Variants in ABCC1 observed in about 807,000 individuals in gnomAD.
ABCC1 encodes the protein multidrug resistance-associated protein 1.
A neutral mutation model predicts 172.9 loss-of-function variants in ABCC1; 83 were observed. That is an observed-to-expected ratio of 0.48 (90% CI 0.40 to 0.58). The LOEUF (loss-of-function observed/expected upper bound fraction) is 0.58. ABCC1 is among the 20% of genes least tolerant of loss of function. The pLI, the probability that ABCC1 is intolerant of heterozygous loss-of-function variation, is 0.00. For missense variants in ABCC1, 1,817 were observed against 2,002.7 expected (o/e 0.91, Z 1.77); for synonymous variants, 937 against 825.2 (o/e 1.14, Z -2.32).
intron 17 of ABCC1, among the ~76,000 whole-genome samples, chr16:16,085,146 T>C (rs1057057184): frequency 1.3e-5 from 2 of 152,130 alleles, no homozygotes; most frequent in Non-Finnish European, 2.9e-5. Context: ...TTGTCATCTC[T>C]AAAAGGGCCA....
In ABCC1 at chr16:16,087,976, G is replaced by A. The variant is rs76039089; in HGVS notation, c.2460+985G>A. Among the ~76,000 whole-genome samples the A allele has an allele frequency of 2.9e-3, 436 of 152,022 alleles. 3 individuals are homozygous for A. Among genetic ancestry groups the A allele is most frequent in the East Asian group, 0.018 (94 of 5,178 alleles). ...TCGTGCTACATGACCTCTTGTAATC[G>A]TTCCCATACATACCACTAACATTCT... On this transcript the variant is annotated intron_variant, in intron 18 of 30. Coordinates refer to ENST00000399410, the MANE Select transcript of ABCC1 (RefSeq NM_004996.4).
intron 1 of ABCC1, among the ~76,000 whole-genome samples, chr16:16,001,312 C>T (rs944991385): frequency 2.0e-5 from 3 of 152,074 alleles, no homozygotes; most frequent in Non-Finnish European, 4.4e-5. Context: ...CCCGGGTGCA[C>T]GCCATTCTCC....
rs970641000 is a variant in ABCC1, at chr16:16,106,915, T to C, written c.2871+42T>C. 19 of 1,612,184 alleles carry C rather than the reference T, an allele frequency of 1.2e-5. No individual in the cohort carries two copies. The African/African-American group carries it at 1.5e-4, about 12-fold the overall frequency. On this transcript the variant is annotated intron_variant, in intron 21 of 30. Coordinates refer to ENST00000399410, the MANE Select transcript of ABCC1 (RefSeq NM_004996.4). ...AAGTGATGACAGTGGCTGGAGTTTA[T>C]AGAGCGCCCACTGTGCACTGGGCAC...
intron 5 of ABCC1, among the ~76,000 whole-genome samples, chr16:16,023,955 A>G (rs138326419): frequency 2.7e-4 from 41 of 152,296 alleles, no homozygotes; most frequent in African/African-American, 7.9e-4. Flanking sequence ...GCAGTGGCTC[A>G]TGCCTGTAAT....
intron 10 of ABCC1, among the ~76,000 whole-genome samples, chr16:16,051,032 G>A (rs1202830502): frequency 6.6e-6 from 1 of 152,136 alleles, no homozygotes; most frequent in African/African-American, 2.4e-5. Context: ...TTCAGGATTG[G>A]TTTATGAACC....
intron 1 of ABCC1, among the ~76,000 whole-genome samples, chr16:15,968,971 G>A (rs903193954): frequency 3.9e-5 from 6 of 152,156 alleles, no homozygotes; most frequent in African/African-American, 1.4e-4. Context: ...ACGTTGAGAG[G>A]CCGAGGTGGG....
chr16:16,014,005 C>T (rs8057596), intron 3 of ABCC1, among the ~76,000 whole-genome samples: 35,272 of 151,978 alleles, frequency 0.23, 5,195 homozygotes, highest in African/African-American at 0.41. Context: ...TCTGCCTGTT[C>T]TTTTAAATAA....
rs746264022 is a variant in ABCC1, at chr16:16,083,494, A to T, written c.2244A>T (p.Pro748=). The T allele has an allele frequency of 8.1e-6, 13 of 1,613,764 alleles. No individual in the cohort carries two copies. In the African/African-American group the frequency reaches 1.7e-4, roughly 22 times the overall value. The part of the protein sequence containing the change: ...RSVIQACALL[P]DLEILPSGDR... ...TGATACAGGCCTGTGCCCTCCTCCC[A>T]GACCTGGAAATCCTGCCCAGTGGGG... The change falls in exon 17 of 31, where the codon CCA becomes CCT. Residue 748 remains proline, a synonymous_variant. Transcript: ENST00000399410.
Position 16,083,491 on chromosome 16 carries a change from C to T in ABCC1, c.2241C>T (p.Leu747=). ...CCGTGATACAGGCCTGTGCCCTCCT[C>T]CCAGACCTGGAAATCCTGCCCAGTG... ...YRSVIQACAL[L]PDLEILPSGD... is the part of the protein sequence containing the mutation. The change falls in exon 17 of 31, where the codon CTC becomes CTT. Residue 747 remains leucine (L), a synonymous_variant. Coordinates refer to ENST00000399410, the MANE Select transcript of ABCC1 (RefSeq NM_004996.4). The T allele has an allele frequency of 6.2e-7, 1 of 1,613,900 alleles. No individual in the cohort carries two copies. The highest frequency in any genetic ancestry group is 8.5e-7 in the Non-Finnish European group (1 of 1,180,006).
At chr16:16,017,348 A>G (rs568214403) in intron 5 of ABCC1, among the ~76,000 whole-genome samples, 41 of 151,940 alleles carry the variant, frequency 2.7e-4, no homozygotes, top group South Asian at 1.7e-3. Context: ...TTCCTACCTC[A>G]GCTTTCTGAG....
intron 1 of ABCC1, among the ~76,000 whole-genome samples, chr16:15,958,391 T>G (rs1046551195): frequency 2.6e-5 from 4 of 152,346 alleles, no homozygotes; most frequent in Admixed American, 2.6e-4. Flanking sequence ...ATTACAGGCA[T>G]GAGCCACCGT....
At chr16:16,068,671 T>TAAGA (rs1445714518) in intron 13 of ABCC1, among the ~76,000 whole-genome samples, 2 of 152,136 alleles carry the variant, frequency 1.3e-5, no homozygotes, top group Admixed American at 6.6e-5. Flanking sequence ...TGATAGGTCT[T>TAAGA]GACCACCCAC....
intron 1 of ABCC1, among the ~76,000 whole-genome samples, chr16:15,982,803 CAAAA>C (rs148834444): frequency 6.9e-5 from 3 of 43,222 alleles, no homozygotes; most frequent in South Asian, 2.5e-3. Context: ...GAGACGCTGT[CAAAA>C]AAAAAAAAAA....
At chr16:15,955,677 C>T (rs1482002570) in intron 1 of ABCC1, among the ~76,000 whole-genome samples, 1 of 152,194 alleles carries the variant, frequency 6.6e-6, no homozygotes, top group Non-Finnish European at 1.5e-5. Context: ...TCAGGTGTCA[C>T]CTCAGGCATC....
At position 16,005,988 on chromosome 16, in the gene ABCC1, T is replaced by C. The variant is rs1218724947; in HGVS notation, c.49-1828T>C. ...CAGTCTGGGTGACAAAGCAAGACTC[T>C]GTCAAGAAAAAAAAAAATAAAAATA... On this transcript the variant is annotated intron_variant, in intron 1 of 30. Coordinates refer to ENST00000399410, the MANE Select transcript of ABCC1 (RefSeq NM_004996.4). 2.7e-5 allele frequency among the ~76,000 whole-genome samples: 4 copies of C among 147,672 alleles called. No individual in the cohort carries two copies. The South Asian group carries it at 6.4e-4, about 24-fold the overall frequency.
chr16:16,131,820 C>G lies in ABCC1; in HGVS notation c.3851C>G (p.Pro1284Arg). Residue 1284 changes from proline to arginine, a missense_variant, in exon 27 of 31, where the codon CCC becomes CGC. By Grantham distance (103) the Pro-to-Arg change is moderately radical. Coordinates refer to ENST00000399410, the MANE Select transcript of ABCC1 (RefSeq NM_004996.4). ...TGGCAAATCCAGGAGACAGCTCCGC[C>G]CAGCAGCTGGCCCCAGGTGGGCCGA... ...APWQIQETAP[P>R]SSWPQVGRVE... 1 of 1,614,154 alleles carries G rather than the reference C, an allele frequency of 6.2e-7. No individual in the cohort carries two copies. Among genetic ancestry groups the G allele is most frequent in the Non-Finnish European group, 8.5e-7 (1 of 1,180,008 alleles).
At chr16:16,080,264 C>A (rs1704498854) in intron 16 of ABCC1, among the ~76,000 whole-genome samples, 1 of 152,014 alleles carries the variant, frequency 6.6e-6, no homozygotes, top group Non-Finnish European at 1.5e-5. Flanking sequence ...AGTATCTATT[C>A]TTATAAATGT....
intron 7 of ABCC1, among the ~76,000 whole-genome samples, chr16:16,042,338 C>G (rs1304941386): frequency 6.6e-6 from 1 of 152,092 alleles, no homozygotes. Flanking sequence ...AGCCAGACAT[C>G]TATTAGCAAG....
chr16:16,068,444 TCG>T, intron 13 of ABCC1, 142 bp downstream of exon 13: 1 of 951,970 alleles, frequency 1.1e-6, no homozygotes, highest in South Asian at 1.5e-5. Flanking sequence ...TGCCATGCTT[TCG>T]TCTGGTCATG....
Sources: gnomAD v4.1 joint callset for allele counts (sites outside exome capture counted in the v4.1 genomes callset) on GRCh38, gnomAD v4.1.1 for gene constraint, MANE v1.5 for transcripts, NCBI Gene and HGNC (gene_info 2026-07-23, HGNC 2026-07-21) for gene names.